Variants in CSMD1 observed in about 807,000 individuals in gnomAD.
CSMD1 encodes the protein CUB and sushi domain-containing protein 1.
CSMD1 carries 213 observed loss-of-function variants against 417.5 expected under a neutral mutation model. That is an observed-to-expected ratio of 0.51 (90% CI 0.46 to 0.57). The LOEUF (loss-of-function observed/expected upper bound fraction) is 0.57, where lower values mean the gene tolerates loss of function less well. Ranked by LOEUF, CSMD1 falls within the 20% of genes least tolerant of loss-of-function variation. The pLI, the probability that CSMD1 is intolerant of heterozygous loss-of-function variation, is 0.00. For synonymous variants in CSMD1, 2,862 were observed against 1,736.8 expected (o/e 1.65, Z -16.11); for missense variants, 6,923 against 4,529.7 (o/e 1.53, Z -15.17).
intron 3 of CSMD1, among the ~76,000 whole-genome samples, chr8:4,313,715 C>T (rs979162505): frequency 2.0e-5 from 3 of 151,966 alleles, no homozygotes; most frequent in African/African-American, 2.4e-5. Flanking sequence ...GGTCATATGA[C>T]TTAAAAAAAG....
In CSMD1 at chr8:4,866,430, T is replaced by C. The variant is rs75845849; in HGVS notation, c.85+127902A>G. Among the ~76,000 whole-genome samples the C allele has an allele frequency of 6.4e-4, 97 of 152,166 alleles. 1 individual carries two copies. In the East Asian group the frequency reaches 0.018, roughly 28 times the overall value. ...AATTGTTTCTCTAAGATAATCTTGA[T>C]AAAAGAAGTTTGTTCTATTCTCTTT... On this transcript the variant is annotated intron_variant, in intron 1 of 69. Transcript: ENST00000635120.
intron 25 of CSMD1, 68 bp downstream of exon 25, chr8:3,307,627 A>C: frequency 6.7e-7 from 1 of 1,488,636 alleles, no homozygotes; most frequent in Non-Finnish European, 9.2e-7. Context: ...GTGTACCACT[A>C]TCTCTGCTAC....
intron 1 of CSMD1, among the ~76,000 whole-genome samples, chr8:4,983,676 C>T (rs1436654674): frequency 2.6e-5 from 4 of 152,034 alleles, no homozygotes; most frequent in African/African-American, 9.7e-5. Flanking sequence ...GTGCCAGCCA[C>T]CACACCCAGC....
At chr8:4,350,821 T>C (rs569855123) in intron 3 of CSMD1, among the ~76,000 whole-genome samples, 32 of 152,274 alleles carry the variant, frequency 2.1e-4, no homozygotes, top group African/African-American at 7.0e-4. Context: ...CAAGATGACT[T>C]TGCTTTCCTT....
intron 23 of CSMD1, among the ~76,000 whole-genome samples, chr8:3,329,994 A>C (rs1806787800): frequency 6.6e-6 from 1 of 152,194 alleles, no homozygotes; most frequent in South Asian, 2.1e-4. Context: ...CAGTCATGAG[A>C]AGAAATGTTT....
At chr8:3,693,671 G>C (rs149713777) in intron 7 of CSMD1, among the ~76,000 whole-genome samples, 4 of 152,214 alleles carry the variant, frequency 2.6e-5, no homozygotes, top group African/African-American at 7.2e-5. Flanking sequence ...GTAATAAAAA[G>C]ATATAAAGAG....
intron 5 of CSMD1, among the ~76,000 whole-genome samples, chr8:3,952,164 G>A (rs558792456): frequency 6.4e-4 from 97 of 152,184 alleles, no homozygotes; most frequent in African/African-American, 2.2e-3. Flanking sequence ...ACCTTCAATG[G>A]GACAGAGCAG....
chr8:3,718,507 C>T (rs191082759), intron 6 of CSMD1, among the ~76,000 whole-genome samples: 1 of 152,092 alleles, frequency 6.6e-6, no homozygotes, highest in Non-Finnish European at 1.5e-5. Flanking sequence ...CAATGTGAAC[C>T]ATTTGTACTG....
intron 10 of CSMD1, among the ~76,000 whole-genome samples, chr8:3,562,795 G>C (rs1023495670): frequency 6.6e-6 from 1 of 151,866 alleles, no homozygotes; most frequent in Non-Finnish European, 1.5e-5. Flanking sequence ...GGGGGAAGAG[G>C]ATCGAGAAAA....
At chr8:4,083,059 G>C (rs1181156781) in intron 3 of CSMD1, among the ~76,000 whole-genome samples, 1 of 151,916 alleles carries the variant, frequency 6.6e-6, no homozygotes, top group Non-Finnish European at 1.5e-5. Flanking sequence ...ATTGTGAATA[G>C]TGCCACAATA....
intron 5 of CSMD1, among the ~76,000 whole-genome samples, chr8:3,975,676 C>CA (rs961778673): frequency 2.0e-5 from 3 of 152,110 alleles, no homozygotes; most frequent in African/African-American, 4.8e-5. Flanking sequence ...AGGAAATGTA[C>CA]AGGAGATGAT....
chr8:3,909,157 T>C (rs1384409426), intron 5 of CSMD1, among the ~76,000 whole-genome samples: 3 of 152,148 alleles, frequency 2.0e-5, no homozygotes, highest in Non-Finnish European at 4.4e-5. Flanking sequence ...GATTGGTCCT[T>C]TGGAGACTGG....
chr8:4,149,985 G>T (rs777624005), intron 3 of CSMD1, among the ~76,000 whole-genome samples: 33 of 152,220 alleles, frequency 2.2e-4, no homozygotes, highest in African/African-American at 7.7e-4. Flanking sequence ...CTGTCACAGA[G>T]AAGTCAGAGA....
intron 2 of CSMD1, among the ~76,000 whole-genome samples, chr8:4,509,870 G>A (rs1802721855): frequency 6.6e-6 from 1 of 152,122 alleles, no homozygotes; most frequent in Non-Finnish European, 1.5e-5. Flanking sequence ...AGTAGGACAA[G>A]AAGCCAGCTC....
At chr8:3,575,152 G>C (rs1018714350) in intron 9 of CSMD1, 86 bp from the exon 10 acceptor site, 1 of 1,286,644 alleles carries the variant, frequency 7.8e-7, no homozygotes, top group Non-Finnish European at 1.0e-6. Context: ...TTTCAAGTTA[G>C]CTATTATCTA....
chr8:4,207,329 C>A (rs752545662), intron 3 of CSMD1, among the ~76,000 whole-genome samples: 2 of 152,142 alleles, frequency 1.3e-5, no homozygotes, highest in South Asian at 4.2e-4. Flanking sequence ...GGCTAGGACT[C>A]GTAATTATCT....
At chr8:4,830,952 T>A (rs1800114835) in intron 1 of CSMD1, among the ~76,000 whole-genome samples, 2 of 152,176 alleles carry the variant, frequency 1.3e-5, no homozygotes, top group Admixed American at 6.6e-5. Flanking sequence ...ATCTGCTGCC[T>A]GAAGAAAAAG....
intron 33 of CSMD1, among the ~76,000 whole-genome samples, chr8:3,193,825 G>C (rs978622427): frequency 6.6e-6 from 1 of 152,148 alleles, no homozygotes; most frequent in Non-Finnish European, 1.5e-5. Context: ...GGAAAAGCCG[G>C]AAGCATGTTG....
chr8:4,130,152 GA>G (rs1383921377), intron 3 of CSMD1, among the ~76,000 whole-genome samples: 1 of 152,070 alleles, frequency 6.6e-6, no homozygotes, highest in Admixed American at 6.6e-5. Flanking sequence ...TTATTTTACT[GA>G]AAAAGACCCA....
Sources: gnomAD v4.1 joint callset for allele counts (sites outside exome capture counted in the v4.1 genomes callset) on GRCh38, gnomAD v4.1.1 for gene constraint, MANE v1.5 for transcripts, NCBI Gene and HGNC (gene_info 2026-07-23, HGNC 2026-07-21) for gene names.